The following TANC2 variants were observed in gnomAD, a reference collection of about 807,000 sequenced individuals.
TANC2 encodes tetratricopeptide repeat, ankyrin repeat and coiled-coil containing 2, also known as protein TANC2.
A neutral mutation model predicts 210.5 loss-of-function variants in TANC2; 26 were observed. The ratio of observed to expected loss-of-function variants is 0.12; its 90% confidence interval spans 0.09 to 0.17. The LOEUF is 0.17. Among genes scored for constraint, TANC2 ranks in the 10% least tolerant of loss-of-function variants. The probability of loss-of-function intolerance (pLI) is 1.00; values close to 1 mark genes in which losing one functional copy is unlikely to be tolerated. For synonymous variants in TANC2, 931 were observed against 967.1 expected (o/e 0.96, Z 0.69); for missense variants, 2,129 against 2,608.9 (o/e 0.82, Z 4.01).
chr17:63,047,897 A>C (rs1321378846), intron 2 of TANC2, among the ~76,000 whole-genome samples: 1 of 152,146 alleles, frequency 6.6e-6, no homozygotes, highest in African/African-American at 2.4e-5. Context: ...GTGTATTTTT[A>C]ATGTTAGATT....
intron 2 of TANC2, among the ~76,000 whole-genome samples, chr17:63,027,186 G>A (rs1598278722): frequency 6.6e-6 from 1 of 152,016 alleles, no homozygotes; most frequent in South Asian, 2.1e-4. Flanking sequence ...AAAGTATTAA[G>A]TTAAACAATT....
chr17:63,330,878 C>A (rs1394677286), intron 11 of TANC2, among the ~76,000 whole-genome samples: 1 of 152,178 alleles, frequency 6.6e-6, no homozygotes, highest in African/African-American at 2.4e-5. Context: ...GAGTTCGAGA[C>A]CAGCCTGGTC....
chr17:63,166,808 T>C (rs182109735), intron 5 of TANC2, among the ~76,000 whole-genome samples: 65 of 152,246 alleles, frequency 4.3e-4, no homozygotes, highest in Non-Finnish European at 8.2e-4. Flanking sequence ...CAGATACATA[T>C]ATATGGGGAA....
intron 4 of TANC2, among the ~76,000 whole-genome samples, chr17:63,137,200 T>C (rs1181340376): frequency 6.6e-6 from 1 of 151,974 alleles, no homozygotes; most frequent in Non-Finnish European, 1.5e-5. Context: ...AGCCTCAGAG[T>C]AAAAAATTAC....
intron 9 of TANC2, among the ~76,000 whole-genome samples, chr17:63,282,296 T>C (rs1451068487): frequency 1.3e-5 from 2 of 151,974 alleles, no homozygotes; most frequent in Admixed American, 6.6e-5. Flanking sequence ...AGAGGAGATA[T>C]CACTACACAT....
intron 7 of TANC2, among the ~76,000 whole-genome samples, chr17:63,205,509 A>C (rs975147710): frequency 2.0e-5 from 3 of 152,166 alleles, no homozygotes; most frequent in Non-Finnish European, 4.4e-5. Flanking sequence ...TGCATTTGGT[A>C]TTGATTCCTT....
intron 14 of TANC2, among the ~76,000 whole-genome samples, chr17:63,372,456 A>G (rs1336270779): frequency 6.6e-6 from 1 of 152,274 alleles, no homozygotes; most frequent in African/African-American, 2.4e-5. Flanking sequence ...ATTTGAACAC[A>G]CAATCATCTT....
intron 5 of TANC2, among the ~76,000 whole-genome samples, chr17:63,191,312 G>A (rs1311223186): frequency 6.8e-6 from 1 of 147,378 alleles, no homozygotes; most frequent in Admixed American, 6.8e-5. Flanking sequence ...AAGTAATTGT[G>A]GTTTTTGCCA....
intron 4 of TANC2, among the ~76,000 whole-genome samples, chr17:63,142,444 G>T (rs2145323116): frequency 6.6e-6 from 1 of 152,090 alleles, no homozygotes; most frequent in South Asian, 2.1e-4. Flanking sequence ...CAATAGTGAT[G>T]GCCCCATTTT....
chr17:63,073,957 G>A (rs1279640435), exon 3 of TANC2: 3 of 1,586,952 alleles, frequency 1.9e-6, no homozygotes, highest in Non-Finnish European at 2.6e-6. Context: ...AGGGAGCGAG[G>A]AACCACCGGA....
rs1471593881 is a variant in TANC2, at chr17:63,277,359, GGTTT to G, written c.1159+9490_1159+9493del. Among the ~76,000 whole-genome samples, 3 of 151,304 alleles carry G rather than the reference GGTTT, an allele frequency of 2.0e-5. No individual in the cohort carries two copies. The East Asian group carries it at 5.8e-4, about 29-fold the overall frequency. The stretch of plus-strand genomic sequence containing the variant: ...TACATAAGTAAACTTGTGTCACGGG[GGTTT>G]GTTGTACAGATTATTTCGTCACCCC... On this transcript the variant is annotated intron_variant, in intron 9 of 27. Coordinates refer to ENST00000689528, the Ensembl canonical transcript of TANC2.
chr17:63,264,938 G>A (rs1246027003), intron 8 of TANC2, among the ~76,000 whole-genome samples: 4 of 152,072 alleles, frequency 2.6e-5, no homozygotes, highest in African/African-American at 7.2e-5. Context: ...TAATCTGGGC[G>A]ACAGAGTGAG....
chr17:63,396,809 G>A (rs1428864962), intron 18 of TANC2: 2 of 151,994 alleles, frequency 1.3e-5, no homozygotes, highest in East Asian at 3.9e-4. Context: ...AGACACTGGG[G>A]ACTACTGGGA....
At chr17:63,071,916 C>G (rs558165012) in intron 2 of TANC2, among the ~76,000 whole-genome samples, 1 of 151,960 alleles carries the variant, frequency 6.6e-6, no homozygotes, top group Non-Finnish European at 1.5e-5. Flanking sequence ...AGTCAAACAT[C>G]CTTGGGTTAA....
chr17:63,092,299 T>G (rs1347516024), intron 3 of TANC2, among the ~76,000 whole-genome samples: 2 of 152,106 alleles, frequency 1.3e-5, no homozygotes, highest in Non-Finnish European at 2.9e-5. Flanking sequence ...CCAAACTGTT[T>G]CCCAACTTAT....
intron 5 of TANC2, among the ~76,000 whole-genome samples, chr17:63,189,399 C>T (rs1172954193): frequency 6.6e-6 from 1 of 152,150 alleles, no homozygotes; most frequent in Non-Finnish European, 1.5e-5. Flanking sequence ...ATGAAGGTTC[C>T]AATAAATTTC....
At chr17:63,367,259 A>C (rs1457538926) in intron 14 of TANC2, among the ~76,000 whole-genome samples, 2 of 152,208 alleles carry the variant, frequency 1.3e-5, no homozygotes, top group Non-Finnish European at 2.9e-5. Context: ...TAGGTGGCTT[A>C]AGACACCCCT....
At chr17:63,323,724 A>G (rs1205547761) in intron 11 of TANC2, among the ~76,000 whole-genome samples, 1 of 152,170 alleles carries the variant, frequency 6.6e-6, no homozygotes, top group Non-Finnish European at 1.5e-5. Flanking sequence ...TCATTATCTC[A>G]TTTTACAGAT....
At chr17:63,048,839 A>G (rs1450583395) in intron 2 of TANC2, among the ~76,000 whole-genome samples, 3 of 152,156 alleles carry the variant, frequency 2.0e-5, no homozygotes, top group African/African-American at 7.2e-5. Context: ...AGAAAAAATA[A>G]CTATTGAGTA....
Sources: gnomAD v4.1 joint callset for allele counts (sites outside exome capture counted in the v4.1 genomes callset) on GRCh38, gnomAD v4.1.1 for gene constraint, MANE v1.5 for transcripts, NCBI Gene and HGNC (gene_info 2026-07-23, HGNC 2026-07-21) for gene names.